The following RAB3D variants were observed in gnomAD, a reference collection of about 807,000 sequenced individuals.
RAB3D encodes the protein RAB3D, member RAS oncogene family.
Under a neutral mutation model 19.3 loss-of-function variants are expected in RAB3D, and 17 were observed. That is an observed-to-expected ratio of 0.88 (90% confidence interval 0.60 to 1.32). RAB3D has a LOEUF of 1.32. Ranked by LOEUF, RAB3D falls within the 40% of genes most tolerant of loss-of-function variation. RAB3D has a pLI of 0.00. For missense variants in RAB3D, 223 were observed against 299.1 expected (o/e 0.75, Z 1.88); for synonymous variants, 103 against 119.9 (o/e 0.86, Z 0.92).
chr19:11,331,400 T>TC (rs1423003201), intron 4 of RAB3D, among the ~76,000 whole-genome samples: 1 of 151,646 alleles, frequency 6.6e-6, no homozygotes, highest in African/African-American at 2.4e-5. Context: ...TTATTTTTTT[T>TC]CAACCACTTA....
At chr19:11,334,806 C>A (rs1481114784) in intron 4 of RAB3D, among the ~76,000 whole-genome samples, 1 of 152,106 alleles carries the variant, frequency 6.6e-6, no homozygotes, top group African/African-American at 2.4e-5. Flanking sequence ...GCCAGTAGTA[C>A]CAGCTACTTG....
At chr19:11,332,399 C>G (rs1437095808) in intron 4 of RAB3D, among the ~76,000 whole-genome samples, 1 of 151,998 alleles carries the variant, frequency 6.6e-6, no homozygotes, top group African/African-American at 2.4e-5. Context: ...GGCTGGCATA[C>G]AGTGGTGCAA....
At position 11,338,549 on chromosome 19, in the gene RAB3D, A is replaced by G. The variant is rs564339684; in HGVS notation, c.-62+920T>C. Among the ~76,000 whole-genome samples, 14 of 152,152 alleles carry G rather than the reference A, an allele frequency of 9.2e-5. No individual in the cohort carries two copies. In the South Asian group the frequency reaches 2.7e-3, roughly 29 times the overall value. ...GAGTTCCAAGGGGAAGGGGTTTTCT[A>G]TGTACAGGGCCCAGGTTTAGAGTCC... On this transcript the variant is annotated intron_variant, in intron 1 of 4. Coordinates refer to ENST00000222120, the MANE Select transcript of RAB3D (RefSeq NM_004283.4).
At chr19:11,329,210 G>A (rs772000100) in intron 4 of RAB3D, among the ~76,000 whole-genome samples, 1 of 152,058 alleles carries the variant, frequency 6.6e-6, no homozygotes, top group Non-Finnish European at 1.5e-5. Context: ...GAGCCACCAT[G>A]CCCAGCCTTT....
intron 4 of RAB3D, among the ~76,000 whole-genome samples, chr19:11,326,629 G>A (rs564701867): frequency 1.3e-5 from 2 of 152,130 alleles, no homozygotes; most frequent in East Asian, 1.9e-4. Context: ...AAAGAGAAAC[G>A]GTCTCTCTCT....
intron 4 of RAB3D, among the ~76,000 whole-genome samples, chr19:11,332,093 G>A (rs1482053768): frequency 6.6e-6 from 1 of 152,152 alleles, no homozygotes; most frequent in Non-Finnish European, 1.5e-5. Context: ...GAGTGCAATG[G>A]TGCGATCTCA....
At chr19:11,335,602 C>CG (rs771250514) in intron 3 of RAB3D, 31 bp from the exon 4 acceptor site, 16 of 1,613,408 alleles carry the variant, frequency 9.9e-6, no homozygotes, top group South Asian at 3.3e-5. Flanking sequence ...AGCCATGAGC[C>CG]GGGGGGGTTA....
rs1184426848 is a variant in RAB3D, at chr19:11,322,977, TG to T, written c.*2420del. 1 of 152,136 alleles carries T rather than the reference TG, an allele frequency of 6.6e-6. No individual in the cohort carries two copies. The highest frequency in any genetic ancestry group is 1.5e-5 in the Non-Finnish European group (1 of 68,040). The allele number at this position is 152,136 out of a possible 1,614,324, so 9.4% of individuals were successfully genotyped here. On this transcript the variant is annotated 3_prime_UTR_variant, in exon 5 of 5. Coordinates refer to ENST00000222120, the MANE Select transcript of RAB3D (RefSeq NM_004283.4). Reference sequence around the variant, plus strand: ...AAATGCAAAACTTAGATGGGCGTGGTGGCAGGTGCCTGTAGTCCCAGCTACT... The same window carrying T: ...AAATGCAAAACTTAGATGGGCGTGGTGCAGGTGCCTGTAGTCCCAGCTACT...
chr19:11,338,351 G>T (rs1018745761), intron 1 of RAB3D, among the ~76,000 whole-genome samples: 4 of 152,206 alleles, frequency 2.6e-5, no homozygotes, highest in African/African-American at 9.7e-5. Context: ...CTTCGCCCCA[G>T]CGTGTGCAGC....
chr19:11,329,381 G>C (rs1599357544), intron 4 of RAB3D, among the ~76,000 whole-genome samples: 1 of 152,046 alleles, frequency 6.6e-6, no homozygotes, highest in Middle Eastern at 3.4e-3. Context: ...GGCCGAGGCA[G>C]CGGATCACCT....
chr19:11,323,973 C>T lies in RAB3D; in HGVS notation c.*1425G>A, dbSNP rs1385992152. ...GGAGGTCAAGATGTACATCTTCAAA[C>T]TGCACACGTAACCTCTGAGCAGAAG... On this transcript the variant is annotated 3_prime_UTR_variant, in exon 5 of 5. Transcript: ENST00000222120. The T allele has an allele frequency of 1.3e-5, 2 of 152,184 alleles. No individual in the cohort carries two copies. The highest frequency in any genetic ancestry group is 2.9e-5 in the Non-Finnish European group (2 of 68,048). The allele number at this position is 152,184 out of a possible 1,614,324, so 9.4% of individuals were successfully genotyped here. A position where few individuals can be genotyped will look rare whatever the true frequency, so the allele number is the denominator to read the frequency against.
intron 4 of RAB3D, among the ~76,000 whole-genome samples, chr19:11,334,111 T>C (rs930591069): frequency 6.6e-6 from 1 of 152,204 alleles, no homozygotes; most frequent in African/African-American, 2.4e-5. Context: ...AAATATTTAC[T>C]ATCTGGCCCT....
chr19:11,334,652 T>C (rs771379969), intron 4 of RAB3D, among the ~76,000 whole-genome samples: 1 of 151,826 alleles, frequency 6.6e-6, no homozygotes, highest in East Asian at 1.9e-4. Flanking sequence ...AGGCCAGGCA[T>C]GGTGCCTCAC....
chr19:11,339,263 A>G (rs1966927816), intron 1 of RAB3D, among the ~76,000 whole-genome samples: 1 of 152,076 alleles, frequency 6.6e-6, no homozygotes, highest in Admixed American at 6.6e-5. Context: ...GGGGCGCCCC[A>G]GCCAATGCAG....
chr19:11,337,724 G>A lies in RAB3D; in HGVS notation c.-61-264C>T, dbSNP rs556523915. 4.6e-5 allele frequency among the ~76,000 whole-genome samples: 7 copies of A among 151,052 alleles called. No homozygotes were observed. The East Asian group carries it at 1.2e-3, about 25-fold the overall frequency. On this transcript the variant is annotated intron_variant, in intron 1 of 4. Transcript: ENST00000222120. ...TCGCTCTGTTGCCTGAGGCTGGAGCGCAGTGGCGTGATCATAGCTCACTGC... is the reference window on the plus strand; with the variant it reads ...TCGCTCTGTTGCCTGAGGCTGGAGCACAGTGGCGTGATCATAGCTCACTGC...
rs1326358622 is a variant in RAB3D, at chr19:11,326,812, G to GTT, written c.473-1229_473-1228dup. The stretch of plus-strand genomic sequence containing the variant: ...TTTGTAGAGGTGGGGGTCTCGCTAT[G>GTT]TTGCGCAGGCTGGTCTTGAACTGCT... On this transcript the variant is annotated intron_variant, in intron 4 of 4. Transcript: ENST00000222120. The GTT allele has an allele frequency of 5.8e-6, 4 of 688,640 alleles. No homozygotes were observed. The Admixed American group carries it at 6.1e-5, about 11-fold the overall frequency. The allele number at this position is 688,640 out of a possible 1,614,324, so 42.7% of individuals were successfully genotyped here.
intron 4 of RAB3D, chr19:11,326,850 T>TC (rs765726384): frequency 2.0e-4 from 126 of 645,806 alleles, no homozygotes; most frequent in Non-Finnish European, 3.0e-4. Context: ...CCTAAAGCGA[T>TC]CCCCCCGCCT....
rs1270438674 is a variant in RAB3D, at chr19:11,322,491, C to G, written c.*2907G>C. ...TGGTTAGTGGGTGGTCCTGACCAATCCCCTGGAGCTGGAGAGGGGTTTTCC... is the reference window on the plus strand; with the variant it reads ...TGGTTAGTGGGTGGTCCTGACCAATGCCCTGGAGCTGGAGAGGGGTTTTCC... On this transcript the variant is annotated 3_prime_UTR_variant, in exon 5 of 5. Coordinates refer to ENST00000222120, the MANE Select transcript of RAB3D (RefSeq NM_004283.4). 6.6e-6 allele frequency: 1 copy of G among 152,110 alleles called. No individual in the cohort carries two copies. Among genetic ancestry groups the G allele is most frequent in the Non-Finnish European group, 1.5e-5 (1 of 68,032 alleles). The allele number at this position is 152,110 out of a possible 1,614,324, so 9.4% of individuals were successfully genotyped here.
intron 4 of RAB3D, among the ~76,000 whole-genome samples, chr19:11,329,206 C>A (rs2080827294): frequency 6.6e-6 from 1 of 152,096 alleles, no homozygotes; most frequent in African/African-American, 2.4e-5. Context: ...GCATGAGCCA[C>A]CATGCCCAGC....
Sources: gnomAD v4.1 joint callset for allele counts (sites outside exome capture counted in the v4.1 genomes callset) on GRCh38, gnomAD v4.1.1 for gene constraint, MANE v1.5 for transcripts, NCBI Gene and HGNC (gene_info 2026-07-23, HGNC 2026-07-21) for gene names.